INAVA: variants seen among roughly 807,000 people sequenced by gnomAD.
INAVA encodes the protein innate immunity activator.
INAVA carries 32 observed loss-of-function variants against 55.3 expected under a neutral mutation model. The observed-to-expected ratio is 0.58, with a 90% CI of 0.44 to 0.78. The LOEUF (loss-of-function observed/expected upper bound fraction) is 0.78, where lower values mean the gene tolerates loss of function less well. INAVA is among the 30% of genes least tolerant of loss of function. INAVA has a pLI of 0.00. For missense variants in INAVA, 756 were observed against 786.4 expected, an observed-to-expected ratio of 0.96 and a Z score of 0.46; for synonymous variants, 294 against 329.4, an observed-to-expected ratio of 0.89 and a Z score of 1.16.
At chr1:200,891,611 G>A (rs770941533), upstream of INAVA, 3 of 1,553,390 alleles carry the variant, frequency 1.9e-6, no homozygotes, top group Admixed American at 5.7e-5. Flanking sequence ...CGGGGGGAGG[G>A]AAGATGGCCT....
At chr1:200,910,895 G>A (rs78112393) in intron 8 of INAVA, among the ~76,000 whole-genome samples, 4,863 of 152,296 alleles carry the variant, frequency 0.032, 266 homozygotes, top group African/African-American at 0.11. Context: ...TGGGCTGCAG[G>A]TAACTGCTCT....
chr1:200,897,597 A>G (rs565509085), intron 1 of INAVA, among the ~76,000 whole-genome samples: 2 of 151,968 alleles, frequency 1.3e-5, no homozygotes, highest in African/African-American at 4.8e-5. Flanking sequence ...TGGGTTGAGG[A>G]TAGCTGTGTC....
rs1159538020 is a variant in INAVA at position 200,911,443 on chromosome 1, C to T, written c.960-10C>T. The stretch of plus-strand genomic sequence containing the variant: ...CCCCACACTCAGAATGCCTCTCTTT[C>T]CCTCTTCAGGGTGGATTCCTTCCGG... On this transcript the variant is annotated splice_polypyrimidine_tract_variant and intron_variant, in intron 8 of 9. Coordinates refer to ENST00000413687, the MANE Select transcript of INAVA (RefSeq NM_001142569.3). 2 of 1,604,004 alleles carry T rather than the reference C, an allele frequency of 1.2e-6. No homozygotes were observed. Among genetic ancestry groups the T allele is most frequent in the Admixed American group, 1.7e-5 (1 of 59,632 alleles).
Position 200,906,895 on chromosome 1 carries a change from G to A in INAVA, c.521-939G>A, listed in dbSNP as rs902607247. On this transcript the variant is annotated intron_variant, in intron 5 of 9. Coordinates refer to ENST00000413687, the MANE Select transcript of INAVA (RefSeq NM_001142569.3). ...GGCTGGAGTGCGGTGGTGTGATCAC[G>A]GCTCACTGCAGCCTCGACCTCCCAG... Among the ~76,000 whole-genome samples, 8 of 151,950 alleles carry A rather than the reference G, an allele frequency of 5.3e-5. 1 individual carries two copies. Among genetic ancestry groups the A allele is most frequent in the Non-Finnish European group, 1.2e-4 (8 of 67,984 alleles).
intron 1 of INAVA, 91 bp downstream of exon 1, chr1:200,895,178 C>G (rs1668317519): frequency 2.1e-6 from 2 of 935,506 alleles, no homozygotes; most frequent in African/African-American, 1.8e-5. Context: ...TCACCCCCCT[C>G]CGACCCCCAC....
At chr1:200,902,193 G>A (rs189607341) in intron 5 of INAVA, among the ~76,000 whole-genome samples, 6 of 152,282 alleles carry the variant, frequency 3.9e-5, no homozygotes, top group Admixed American at 6.5e-5. Flanking sequence ...CCTGCATATC[G>A]TGTTGGCTTT....
At chr1:200,913,108 C>T (rs1023191707) in intron 9 of INAVA, among the ~76,000 whole-genome samples, 2 of 152,232 alleles carry the variant, frequency 1.3e-5, no homozygotes, top group African/African-American at 4.8e-5. Flanking sequence ...CTCCCCCACC[C>T]ACGGTTCTTT....
In INAVA at chr1:200,898,159, C is replaced by T. The variant is rs557643651; in HGVS notation, c.-94-148C>T. The T allele has an allele frequency of 6.3e-6, 5 of 798,042 alleles. No individual in the cohort carries two copies. In the Admixed American group the frequency reaches 8.4e-5, roughly 13 times the overall value. The allele number at this position is 798,042 out of a possible 1,614,324, so 49.4% of individuals were successfully genotyped here. On this transcript the variant is annotated intron_variant, in intron 1 of 9. Coordinates refer to ENST00000413687, the MANE Select transcript of INAVA (RefSeq NM_001142569.3). ...CCACAGCCCCTTCTCTAGGTCAGCA[C>T]CCCCAGTGCCAGAATCTCCTGCCCC...
intron 5 of INAVA, among the ~76,000 whole-genome samples, chr1:200,903,442 TCG>T (rs1428213517): frequency 2.6e-5 from 4 of 151,162 alleles, no homozygotes; most frequent in Non-Finnish European, 5.9e-5. Context: ...GGAGCCGAGA[TCG>T]TGCCACTGCA....
intron 5 of INAVA, among the ~76,000 whole-genome samples, chr1:200,901,493 C>A (rs1013708422): frequency 6.6e-6 from 1 of 152,262 alleles, no homozygotes; most frequent in African/African-American, 2.4e-5. Context: ...CCCAGGCTGG[C>A]CCCGCTGCCC....
upstream of INAVA, chr1:200,891,601 C>A: frequency 1.3e-6 from 2 of 1,565,304 alleles, no homozygotes; most frequent in Middle Eastern, 1.7e-4. Context: ...CAGGGAGGCT[C>A]GGGGGGAGGG....
At chr1:200,899,339 T>G in intron 2 of INAVA, 134 bp from the exon 3 acceptor site, 1 of 1,316,136 alleles carries the variant, frequency 7.6e-7, no homozygotes, top group Non-Finnish European at 1.0e-6. Context: ...CAGCCTGCAA[T>G]TTGTGGGCAG....
At chr1:200,900,792 C>T in intron 4 of INAVA, 145 bp from the exon 5 acceptor site, 1 of 586,200 alleles carries the variant, frequency 1.7e-6, no homozygotes, top group Non-Finnish European at 2.9e-6. Flanking sequence ...TGCTCCACGT[C>T]CGTCCATTGG....
chr1:200,907,991 T>C, intron 6 of INAVA, 104 bp downstream of exon 6: 1 of 926,706 alleles, frequency 1.1e-6, no homozygotes, highest in Non-Finnish European at 1.7e-6. Flanking sequence ...GAGTGAAGGC[T>C]AGGGTGCCAG....
chr1:200,891,778 A>G, upstream of INAVA: 1 of 1,136,398 alleles, frequency 8.8e-7, no homozygotes, highest in Non-Finnish European at 1.2e-6. Context: ...CACGGTCTTC[A>G]GCCTTAGCGG....
Position 200,907,903 on chromosome 1 carries a change from G to A in INAVA, c.574+16G>A, listed in dbSNP as rs767751585. ...CTGGAGGAAGGTGAGAAGGACGTTT[G>A]GGGGACTATTGTCAAGGCTGGACTC... On this transcript the variant is annotated intron_variant, in intron 6 of 9. Transcript: ENST00000413687. 1 of 1,608,364 alleles carries A rather than the reference G, an allele frequency of 6.2e-7. No individual in the cohort carries two copies. The highest frequency in any genetic ancestry group is 1.3e-5 in the African/African-American group (1 of 74,918).
intron 9 of INAVA, 132 bp from the exon 10 acceptor site, chr1:200,913,405 C>T (rs749584518): frequency 4.0e-4 from 272 of 681,034 alleles, no homozygotes; most frequent in Admixed American, 1.1e-3. Context: ...GGCTGAGTGC[C>T]AGGGCCTGCT....
chr1:200,909,725 A>G (rs777403392), intron 8 of INAVA, among the ~76,000 whole-genome samples: 15 of 152,274 alleles, frequency 9.9e-5, no homozygotes, highest in Non-Finnish European at 1.8e-4. Flanking sequence ...CACTTTTTCA[A>G]TTGATGCACA....
intron 5 of INAVA, among the ~76,000 whole-genome samples, chr1:200,903,511 A>G (rs1338835340): frequency 6.6e-6 from 1 of 151,932 alleles, no homozygotes; most frequent in African/African-American, 2.4e-5. Context: ...AAAACAAAAC[A>G]AAAAAACAGG....
Sources: allele counts gnomAD v4.1 joint callset (sites outside exome capture counted in the v4.1 genomes callset), GRCh38; gene constraint gnomAD v4.1.1; transcripts MANE v1.5; gene names NCBI Gene and HGNC (gene_info 2026-07-23, HGNC 2026-07-21).